The following LINGO2 variants were observed in gnomAD, a reference collection of about 807,000 sequenced individuals.
LINGO2 encodes the protein leucine-rich repeat and immunoglobulin-like domain-containing nogo receptor-interacting protein 2.
LINGO2 carries 14 observed loss-of-function variants against 30.6 expected under a neutral mutation model. The observed-to-expected ratio is 0.46, with a 90% CI of 0.30 to 0.72. LINGO2 has a LOEUF of 0.72. Ranked by LOEUF, LINGO2 falls within the 30% of genes least tolerant of loss-of-function variation. LINGO2 has a pLI of 0.07. For synonymous variants in LINGO2, 317 were observed against 288.5 expected, an observed-to-expected ratio of 1.10 and a Z score of -1.00; for missense variants, 729 against 751.7, an observed-to-expected ratio of 0.97 and a Z score of 0.35.
chr9:28,506,485 C>CAGATAT (rs1820135121), intron 1 of LINGO2, among the ~76,000 whole-genome samples: 2 of 73,398 alleles, frequency 2.7e-5, no homozygotes, highest in African/African-American at 5.1e-5. Flanking sequence ...CACACATACA[C>CAGATAT]ATACACACAC....
intron 4 of LINGO2, among the ~76,000 whole-genome samples, chr9:28,264,179 T>A (rs1822665332): frequency 6.6e-6 from 1 of 152,006 alleles, no homozygotes; most frequent in Non-Finnish European, 1.5e-5. Context: ...TCATTTATGA[T>A]TGATTTTGAA....
chr9:27,987,280 C>T (rs1441781269), intron 5 of LINGO2, among the ~76,000 whole-genome samples: 1 of 151,828 alleles, frequency 6.6e-6, no homozygotes, highest in East Asian at 2.0e-4. Context: ...ATATTTCCCT[C>T]CCTCCCGTCT....
the LINGO2 span, among the ~76,000 whole-genome samples, chr9:29,162,387 T>A: frequency 1.3e-5 from 2 of 152,326 alleles, no homozygotes; most frequent in African/African-American, 4.8e-5. Flanking sequence ...TTTGAATATA[T>A]CAATGTTTGC....
chr9:28,400,250 C>G (rs1439621023), intron 2 of LINGO2, among the ~76,000 whole-genome samples: 1 of 152,192 alleles, frequency 6.6e-6, no homozygotes. Context: ...AGTGCTAGCT[C>G]TGTCTCTTAT....
At chr9:28,285,783 T>C (rs1823486428) in intron 4 of LINGO2, among the ~76,000 whole-genome samples, 1 of 152,128 alleles carries the variant, frequency 6.6e-6, no homozygotes, top group Non-Finnish European at 1.5e-5. Flanking sequence ...TGATAGTTTA[T>C]AGGTCAATCA....
intron 1 of LINGO2, among the ~76,000 whole-genome samples, chr9:28,487,795 A>G (rs151197038): frequency 9.8e-5 from 15 of 152,298 alleles, no homozygotes; most frequent in Admixed American, 2.0e-4. Flanking sequence ...TGCAGCCATT[A>G]ACCGAAACTC....
At chr9:28,415,939 G>T (rs1376884586) in intron 2 of LINGO2, among the ~76,000 whole-genome samples, 1 of 152,102 alleles carries the variant, frequency 6.6e-6, no homozygotes, top group Non-Finnish European at 1.5e-5. Flanking sequence ...AGATCAACAA[G>T]TGTTTAACAC....
the LINGO2 span, among the ~76,000 whole-genome samples, chr9:28,916,849 C>A: frequency 6.6e-6 from 1 of 152,192 alleles, no homozygotes; most frequent in Non-Finnish European, 1.5e-5. Flanking sequence ...ATATTCTACA[C>A]TGTGAATAGC....
chr9:28,555,485 T>A (rs1196325491), intron 1 of LINGO2, among the ~76,000 whole-genome samples: 4 of 151,808 alleles, frequency 2.6e-5, no homozygotes, highest in African/African-American at 9.7e-5. Context: ...TAACAGGATC[T>A]GAAATTGTGG....
At chr9:28,414,118 C>T (rs984817675) in intron 2 of LINGO2, among the ~76,000 whole-genome samples, 1 of 151,942 alleles carries the variant, frequency 6.6e-6, no homozygotes, top group African/African-American at 2.4e-5. Flanking sequence ...GCTCCATAAG[C>T]TTTCTACCCC....
intron 4 of LINGO2, among the ~76,000 whole-genome samples, chr9:28,082,787 C>T (rs992396198): frequency 6.6e-6 from 1 of 152,140 alleles, no homozygotes; most frequent in Non-Finnish European, 1.5e-5. Flanking sequence ...GTTTTTCTGA[C>T]TCATATGGTT....
rs1587605311 is a variant in LINGO2 at position 28,393,876 on chromosome 9, C to T, written c.-278-21008G>A. On this transcript the variant is annotated intron_variant, in intron 2 of 5. Transcript: ENST00000379992. ...ACTAATGGAAGTTAGTAGATAAATA[C>T]CCTTTGCCCCTTAGAGGGGATAACT... is the stretch of plus-strand genomic sequence containing the variant. Among the ~76,000 whole-genome samples the T allele has an allele frequency of 2.6e-5, 4 of 152,262 alleles. 1 individual carries two copies. Among genetic ancestry groups the T allele is most frequent in the Middle Eastern group, 3.4e-3 (1 of 294 alleles).
intron 4 of LINGO2, among the ~76,000 whole-genome samples, chr9:28,076,183 C>T (rs889823903): frequency 6.6e-6 from 1 of 152,016 alleles, no homozygotes; most frequent in Non-Finnish European, 1.5e-5. Flanking sequence ...ATTTTCAGAG[C>T]CTTTGCTCTT....
rs183614330 is a variant in LINGO2 at position 27,997,397 on chromosome 9, C to G, written c.-36+14958G>C. Among the ~76,000 whole-genome samples, 87 of 152,166 alleles carry G rather than the reference C, an allele frequency of 5.7e-4. 2 individuals are homozygous for G. The East Asian group carries it at 0.014, about 24-fold the overall frequency. On this transcript the variant is annotated intron_variant, in intron 5 of 5. Coordinates refer to ENST00000379992, the Ensembl canonical transcript of LINGO2. The stretch of plus-strand genomic sequence containing the variant: ...TTAAGCACTTTGAGATGTGCTCCCC[C>G]CTCCCCCCGTCATAAGTGAGAAATC...
intron 1 of LINGO2, among the ~76,000 whole-genome samples, chr9:28,665,712 C>T (rs1828773834): frequency 6.6e-6 from 1 of 152,000 alleles, no homozygotes; most frequent in Admixed American, 6.5e-5. Context: ...CTTTTAATAG[C>T]CTTGTTTAAA....
the LINGO2 span, among the ~76,000 whole-genome samples, chr9:29,039,561 A>G: frequency 6.6e-6 from 1 of 152,118 alleles, no homozygotes; most frequent in African/African-American, 2.4e-5. Flanking sequence ...TTGGATCACA[A>G]ATCATTCCCA....
chr9:28,162,287 A>G (rs905008611), intron 4 of LINGO2, among the ~76,000 whole-genome samples: 12 of 152,172 alleles, frequency 7.9e-5, no homozygotes, highest in African/African-American at 2.9e-4. Flanking sequence ...TCCAATAAAC[A>G]TTCAATCTTT....
At chr9:29,012,213 C>T in the LINGO2 span, among the ~76,000 whole-genome samples, 2 of 152,144 alleles carry the variant, frequency 1.3e-5, no homozygotes, top group African/African-American at 4.8e-5. Flanking sequence ...CAGAAGTTAG[C>T]TGGTCGTGGT....
the LINGO2 span, among the ~76,000 whole-genome samples, chr9:29,172,114 T>C: frequency 1.3e-5 from 2 of 151,962 alleles, no homozygotes; most frequent in African/African-American, 2.4e-5. Flanking sequence ...TTAAATGTAA[T>C]GTACTTGCAA....
Sources: gnomAD v4.1 joint callset for allele counts (sites outside exome capture counted in the v4.1 genomes callset) on GRCh38, gnomAD v4.1.1 for gene constraint, MANE v1.5 for transcripts, NCBI Gene and HGNC (gene_info 2026-07-23, HGNC 2026-07-21) for gene names.